DMBT1: variants seen among roughly 807,000 people sequenced by gnomAD.
DMBT1 encodes the protein scavenger receptor cysteine-rich domain-containing protein DMBT1.
Under a neutral mutation model 252.9 loss-of-function variants are expected in DMBT1, and 198 were observed. The observed-to-expected ratio is 0.78, with a 90% CI of 0.70 to 0.88. The LOEUF is 0.88. Among genes scored for constraint, DMBT1 ranks in the 40% least tolerant of loss-of-function variants. The pLI is 0.00. For synonymous variants in DMBT1, 990 were observed against 942.7 expected (o/e 1.05, Z -0.92); for missense variants, 2,432 against 2,404.7 (o/e 1.01, Z -0.24).
intron 3 of DMBT1, among the ~76,000 whole-genome samples, chr10:122,570,687 G>T (rs796243552): frequency 6.6e-5 from 10 of 152,264 alleles, no homozygotes; most frequent in African/African-American, 2.4e-4. Context: ...GGTAAGTAGA[G>T]CAAAGGATGC....
rs534094431 is a variant in DMBT1, at chr10:122,592,641, C to T, written c.2500+46C>T. ...GCTCCCTCTCCTAGACTGGAGTTTG[C>T]TCAGGAAGAAAATCCTAATTACATT... On this transcript the variant is annotated intron_variant, in intron 20 of 55. Transcript: ENST00000338354. 2.1e-5 allele frequency: 34 copies of T among 1,585,214 alleles called. 4 individuals carry two copies. The highest frequency in any genetic ancestry group is 2.0e-4 in the Admixed American group (12 of 59,224).
At position 122,624,206 on chromosome 10, in the gene DMBT1, A is replaced by G. The variant is rs558024496; in HGVS notation, c.5609-1071A>G. On this transcript the variant is annotated intron_variant, in intron 44 of 55. Transcript: ENST00000338354. Reference sequence around the variant, plus strand: ...GGCACTTGAGCCCAGTGGTCCCTGCAGATCCATGCTGATGGCTCCTGCACT... The same window carrying G: ...GGCACTTGAGCCCAGTGGTCCCTGCGGATCCATGCTGATGGCTCCTGCACT... Among the ~76,000 whole-genome samples the G allele has an allele frequency of 8.4e-4, 128 of 152,292 alleles. 1 individual carries two copies. The Middle Eastern group carries it at 0.01, about 12-fold the overall frequency.
intron 20 of DMBT1, 36 bp downstream of exon 20, chr10:122,592,631 C>G: frequency 1.9e-6 from 3 of 1,586,666 alleles, no homozygotes; most frequent in Non-Finnish European, 2.6e-6. Flanking sequence ...CTCTCCTAGA[C>G]TGGAGTTTGC....
chr10:122,618,255 C>A lies in DMBT1; in HGVS notation c.5130C>A (p.His1710Gln), dbSNP rs200418093. ...TGGATGATGTGCGCTGCTCAGGACA[C>A]GAGTCTTACCTGTGGAGCTGCCCCC... ...IVLDDVRCSG[H>Q]ESYLWSCPHN... Residue 1710 changes from histidine to glutamine, a missense_variant, in exon 41 of 56, where the codon CAC becomes CAA. By Grantham distance (24) the His-to-Gln change is conservative. Coordinates refer to ENST00000338354, the MANE Select transcript of DMBT1 (RefSeq NM_001377530.1). 52 of 1,613,672 alleles carry A rather than the reference C, an allele frequency of 3.2e-5. No individual in the cohort carries two copies. The highest frequency in any genetic ancestry group is 4.2e-5 in the Non-Finnish European group (49 of 1,179,770).
Position 122,573,483 on chromosome 10 carries a change from G to A in DMBT1, c.236-232G>A, listed in dbSNP as rs142221099. On this transcript the variant is annotated intron_variant, in intron 5 of 55. Transcript: ENST00000338354. Reference sequence around the variant, plus strand: ...GACTTTTTGAATAGAGGCTGTGGCAGCAGAGGACATGGGGGTAGGGTAATA... The same window carrying A: ...GACTTTTTGAATAGAGGCTGTGGCAACAGAGGACATGGGGGTAGGGTAATA... Among the ~76,000 whole-genome samples, 1,121 of 152,310 alleles carry A rather than the reference G, an allele frequency of 7.4e-3. 14 individuals carry two copies. The highest frequency in any genetic ancestry group is 0.025 in the African/African-American group (1,041 of 41,558).
rs747561785 is a variant in DMBT1 at position 122,618,016 on chromosome 10, G to A, written c.4892-1G>A. 6.2e-7 allele frequency: 1 copy of A among 1,612,614 alleles called. No homozygotes were observed. The highest frequency in any genetic ancestry group is 8.5e-7 in the Non-Finnish European group (1 of 1,179,746). ...TGAAGGGTTCTTGTGTTCCCCTGTA[G>A]GATCTGAATCCACTTTGGCCCTGAG... On this transcript the variant is annotated splice_acceptor_variant, in intron 40 of 55. Transcript: ENST00000338354. LOFTEE classifies it high-confidence loss of function.
Position 122,588,216 on chromosome 10 carries a change from GT to G in DMBT1, c.1784-721del, listed in dbSNP as rs1272591679. Among the ~76,000 whole-genome samples, 2 of 148,028 alleles carry G rather than the reference GT, an allele frequency of 1.4e-5. 1 individual carries two copies. The highest frequency in any genetic ancestry group is 3.0e-5 in the Non-Finnish European group (2 of 66,518). On this transcript the variant is annotated intron_variant, in intron 16 of 55. Transcript: ENST00000338354. ...GCTCACTCTCTACTTCTGGACAAAT[GT>G]TTTTTTCTGAAAATGAGAGGATGAG... is the stretch of plus-strand genomic sequence containing the variant.
rs2097687874 is a variant in DMBT1 at position 122,573,817 on chromosome 10, G to T, written c.283+55G>T. On this transcript the variant is annotated intron_variant, in intron 6 of 55. Coordinates refer to ENST00000338354, the MANE Select transcript of DMBT1 (RefSeq NM_001377530.1). ...GCTCATTACCCCCCTGCACCCCTAG[G>T]TTAATCTCTGATTCAGATGAGGTGC... 8.8e-6 allele frequency: 14 copies of T among 1,589,242 alleles called. No individual in the cohort carries two copies. In the South Asian group the frequency reaches 1.1e-4, roughly 13 times the overall value.
At position 122,586,039 on chromosome 10, in the gene DMBT1, G is replaced by A. The variant is rs763225982; in HGVS notation, c.1460-21G>A. 6.9e-6 allele frequency: 11 copies of A among 1,588,074 alleles called. No homozygotes were observed. In the African/African-American group the frequency reaches 1.3e-4, roughly 19 times the overall value. ...GACCTCATGATAGGGATGGATGAAG[G>A]GTTCTTGTTTTCCCCTGTAGGATCT... On this transcript the variant is annotated intron_variant, in intron 15 of 55. Transcript: ENST00000338354.
intron 7 of DMBT1, among the ~76,000 whole-genome samples, chr10:122,577,488 G>A (rs2097722872): frequency 1.3e-5 from 2 of 152,210 alleles, no homozygotes; most frequent in African/African-American, 4.8e-5. Flanking sequence ...AGCGTGGAGA[G>A]TTAGGGTCTT....
intron 6 of DMBT1, 86 bp from the exon 7 acceptor site, chr10:122,576,313 A>G (rs1484681049): frequency 3.9e-6 from 6 of 1,536,106 alleles, no homozygotes; most frequent in African/African-American, 1.4e-5. Context: ...ATATCTGCCT[A>G]TGGGGAAGAC....
chr10:122,576,261 A>T, intron 6 of DMBT1, 138 bp from the exon 7 acceptor site: 1 of 1,272,562 alleles, frequency 7.9e-7, no homozygotes, highest in Non-Finnish European at 1.1e-6. Context: ...CTCTAACCTT[A>T]AGGCCTGTTA....
Position 122,616,825 on chromosome 10 carries a change from G to A in DMBT1, c.4859-403G>A, listed in dbSNP as rs565508264. On this transcript the variant is annotated intron_variant, in intron 39 of 55. Transcript: ENST00000338354. ...GGGAAAGGGATAATAAAGGTTTGTA[G>A]TGTCTCTGCTTAGCCAGAAACCTGA... 7.2e-3 allele frequency among the ~76,000 whole-genome samples: 334 copies of A among 46,536 alleles called. 16 individuals carry two copies. Among genetic ancestry groups the A allele is most frequent in the African/African-American group, 0.033 (317 of 9,628 alleles). The allele number at this position is 46,536 out of a possible 152,430, so 30.5% of individuals were successfully genotyped here. A position where few individuals can be genotyped will look rare whatever the true frequency, so the allele number is the denominator to read the frequency against.
intron 9 of DMBT1, among the ~76,000 whole-genome samples, chr10:122,579,002 C>T (rs1039761103): frequency 2.0e-5 from 3 of 151,956 alleles, no homozygotes; most frequent in Admixed American, 1.3e-4. Flanking sequence ...AAGGTGGGCC[C>T]CTTGCTTTTT....
chr10:122,600,897 G>T (rs2097947236), intron 27 of DMBT1, 94 bp from the exon 28 acceptor site: 1 of 645,574 alleles, frequency 1.5e-6, no homozygotes. Context: ...AAGTGGAATT[G>T]TTGCCAGGTG....
intron 5 of DMBT1, 95 bp downstream of exon 5, chr10:122,572,456 G>A: frequency 6.5e-7 from 1 of 1,538,930 alleles, no homozygotes; most frequent in African/African-American, 1.4e-5. Context: ...GACATAGAAA[G>A]TAGTGTGCTG....
At chr10:122,591,354 G>T (rs1354909784) in intron 18 of DMBT1, 125 bp from the exon 19 acceptor site, 9 of 1,127,674 alleles carry the variant, frequency 8.0e-6, no homozygotes, top group Non-Finnish European at 1.1e-5. Flanking sequence ...GACACATGGG[G>T]AGCAAGTGGC....
intron 6 of DMBT1, among the ~76,000 whole-genome samples, chr10:122,574,243 A>C (rs139815166): frequency 6.6e-6 from 1 of 152,202 alleles, no homozygotes; most frequent in Non-Finnish European, 1.5e-5. Context: ...CCTTCAGCTC[A>C]TGGGCATCAG....
rs562291600 is a variant in DMBT1 at position 122,585,577 on chromosome 10, C to G, written c.1459+268C>G. 3.2e-4 allele frequency among the ~76,000 whole-genome samples: 48 copies of G among 148,580 alleles called. 4 individuals are homozygous for G. The highest frequency in any genetic ancestry group is 8.5e-4 in the African/African-American group (35 of 41,194). On this transcript the variant is annotated intron_variant, in intron 15 of 55. Coordinates refer to ENST00000338354, the MANE Select transcript of DMBT1 (RefSeq NM_001377530.1). ...AGGTGCCAAGGAAAAGCCCTGGAAG[C>G]TTCCCTAATCCTACTAAGACCTCAT...
Sources: gnomAD v4.1 joint callset for allele counts (sites outside exome capture counted in the v4.1 genomes callset) on GRCh38, gnomAD v4.1.1 for gene constraint, MANE v1.5 for transcripts, NCBI Gene and HGNC (gene_info 2026-07-23, HGNC 2026-07-21) for gene names.